The following CFAP251 variants were observed in gnomAD, a reference collection of about 807,000 sequenced individuals.
The protein encoded by CFAP251 is cilia and flagella associated protein 251, also known as cilia- and flagella-associated protein 251.
CFAP251 carries 93 observed loss-of-function variants against 126.7 expected under a neutral mutation model. That is an observed-to-expected ratio of 0.73 (90% confidence interval 0.62 to 0.87). The LOEUF (loss-of-function observed/expected upper bound fraction) is 0.87, where lower values mean the gene tolerates loss of function less well. Ranked by LOEUF, CFAP251 falls within the 40% of genes least tolerant of loss-of-function variation. CFAP251 has a pLI of 0.00. For missense variants in CFAP251, 1,287 were observed against 1,389.2 expected, an observed-to-expected ratio of 0.93 and a Z score of 1.17; for synonymous variants, 503 against 506.9, an observed-to-expected ratio of 0.99 and a Z score of 0.10.
chr12:121,942,719 T>C (rs1244972156), intron 6 of CFAP251, 74 bp downstream of exon 6: 1 of 1,313,786 alleles, frequency 7.6e-7, no homozygotes, highest in Non-Finnish European at 1.1e-6. Flanking sequence ...TGGGCAGCTC[T>C]GTTCAGGCTG....
At chr12:121,946,836 C>G (rs1220138480) in intron 7 of CFAP251, among the ~76,000 whole-genome samples, 1 of 152,086 alleles carries the variant, frequency 6.6e-6, no homozygotes, top group Non-Finnish European at 1.5e-5. Context: ...ACCTCAGTCT[C>G]CCAAGGTGCA....
At chr12:121,975,140 T>C (rs1882424093) in intron 17 of CFAP251, 104 bp from the exon 18 acceptor site, 1 of 854,238 alleles carries the variant, frequency 1.2e-6, no homozygotes, top group East Asian at 2.5e-5. Flanking sequence ...ACTGTATCTG[T>C]GCTGTGATAC....
At chr12:121,941,308 A>G (rs995800502) in intron 5 of CFAP251, among the ~76,000 whole-genome samples, 15 of 139,450 alleles carry the variant, frequency 1.1e-4, no homozygotes, top group Non-Finnish European at 2.0e-4. Flanking sequence ...CTGGAATTAC[A>G]GGTGTGAGCC....
At chr12:121,949,751 T>A (rs1295038880) in intron 8 of CFAP251, 1 of 152,100 alleles carries the variant, frequency 6.6e-6, no homozygotes, top group Non-Finnish European at 1.5e-5. Context: ...TAACAGTGCA[T>A]GGTGATGCAT....
chr12:121,940,677 T>G (rs1328930316), intron 5 of CFAP251, among the ~76,000 whole-genome samples: 2 of 152,212 alleles, frequency 1.3e-5, no homozygotes, highest in African/African-American at 2.4e-5. Flanking sequence ...CCACTGCTTC[T>G]GTGCTTTGGC....
intron 1 of CFAP251, among the ~76,000 whole-genome samples, chr12:121,920,618 G>A (rs905464597): frequency 2.0e-5 from 3 of 151,798 alleles, no homozygotes; most frequent in East Asian, 1.9e-4. Flanking sequence ...GGATGGTCTC[G>A]ATCTCCTGAC....
At chr12:121,968,216 C>T in intron 17 of CFAP251, 47 bp downstream of exon 17, 1 of 1,544,932 alleles carries the variant, frequency 6.5e-7, no homozygotes. Flanking sequence ...AACTCCTTTT[C>T]ACTCAGCAAC....
At chr12:121,924,476 A>G (rs1372502460) in intron 3 of CFAP251, among the ~76,000 whole-genome samples, 7 of 116,694 alleles carry the variant, frequency 6.0e-5, no homozygotes, top group Non-Finnish European at 1.1e-4. Flanking sequence ...CTTTTTGCCC[A>G]GGCTGGAGTG....
intron 5 of CFAP251, among the ~76,000 whole-genome samples, chr12:121,940,008 C>G (rs1404671028): frequency 1.3e-5 from 2 of 152,156 alleles, no homozygotes; most frequent in Non-Finnish European, 2.9e-5. Flanking sequence ...TAAGTAATTA[C>G]TGCAAATCTA....
intron 10 of CFAP251, among the ~76,000 whole-genome samples, chr12:121,956,474 T>TA (rs1354586379): frequency 1.3e-5 from 2 of 152,320 alleles, no homozygotes; most frequent in East Asian, 1.9e-4. Context: ...GGGATGTACT[T>TA]ACACTAAATT....
At chr12:121,961,788 T>C (rs1303913899) in intron 14 of CFAP251, among the ~76,000 whole-genome samples, 190 bp from the exon 15 acceptor site, 1 of 152,224 alleles carries the variant, frequency 6.6e-6, no homozygotes, top group Non-Finnish European at 1.5e-5. Context: ...GGTAGTGAAT[T>C]CTCAGTACTG....
chr12:121,991,884 T>C (rs569067850), intron 19 of CFAP251, among the ~76,000 whole-genome samples: 3 of 152,102 alleles, frequency 2.0e-5, no homozygotes, highest in Non-Finnish European at 4.4e-5. Flanking sequence ...TCCCAGCTAC[T>C]TGGGAGGCTG....
At chr12:121,954,664 A>AAAAAAC (rs1881663202) in intron 10 of CFAP251, among the ~76,000 whole-genome samples, 1 of 147,844 alleles carries the variant, frequency 6.8e-6, no homozygotes, top group South Asian at 2.1e-4. Context: ...AAAAAAAAAA[A>AAAAAAC]AAAACCTCTT....
Position 122,001,592 on chromosome 12 carries a change from G to C in CFAP251, c.3331G>C (p.Val1111Leu), listed in dbSNP as rs759328864. 8 of 1,613,956 alleles carry C rather than the reference G, an allele frequency of 5.0e-6. No individual in the cohort carries two copies. In the East Asian group the frequency reaches 1.8e-4, roughly 36 times the overall value. ...GAAATCCGAGCCTGCAACCTGCTCC[G>C]TCAAAGGTACCCCAGCTGGCTTTGT... ...GWKSEPATCS[V>L]KGSEICLEEE... The change falls in exon 21 of 22, where the codon GTC (valine) becomes CTC (leucine). Residue 1111 changes from valine to leucine, a missense_variant. By Grantham distance (32) the Val-to-Leu change is conservative. Coordinates refer to ENST00000288912, the MANE Select transcript of CFAP251 (RefSeq NM_144668.6).
chr12:121,971,778 C>T (rs1326200510), intron 17 of CFAP251: 1 of 582,648 alleles, frequency 1.7e-6, no homozygotes, highest in Non-Finnish European at 3.1e-6. Flanking sequence ...CTCTGTGTTC[C>T]TACCCAAATC....
chr12:121,946,545 C>A (rs1881333521), intron 7 of CFAP251, among the ~76,000 whole-genome samples: 1 of 152,140 alleles, frequency 6.6e-6, no homozygotes, highest in Non-Finnish European at 1.5e-5. Flanking sequence ...CCTTGGCCCC[C>A]AGCTGATTTT....
chr12:122,001,459 A>G (rs1883147982), intron 20 of CFAP251, 38 bp from the exon 21 acceptor site: 2 of 1,501,516 alleles, frequency 1.3e-6, no homozygotes, highest in African/African-American at 2.8e-5. Context: ...CTTAGCCTCA[A>G]GAGTTAAACA....
At chr12:121,949,309 T>G (rs371701787) in intron 8 of CFAP251, 3 of 223,652 alleles carry the variant, frequency 1.3e-5, no homozygotes, top group East Asian at 1.8e-4. Flanking sequence ...TTATTTGAAT[T>G]TATTTAACAA....
Position 121,962,084 on chromosome 12 carries a change from T to C in CFAP251, c.2414T>C (p.Leu805Pro). Reference sequence around the variant, plus strand: ...ACCTGCATGGTCTGGTACCCACCACTCACCAGGGAACTCTTCCTGCTTATT... The same window carrying C: ...ACCTGCATGGTCTGGTACCCACCACCCACCAGGGAACTCTTCCTGCTTATT... ...YPTCMVWYPP[L>P]TRELFLLICN... The change falls in exon 15 of 22, where the codon CTC (leucine) becomes CCC (proline). Residue 805 changes from leucine to proline, a missense_variant. By Grantham distance (98) the Leu-to-Pro change is moderately conservative (BLOSUM62 -3). Transcript: ENST00000288912. 1 of 1,614,006 alleles carries C rather than the reference T, an allele frequency of 6.2e-7. No individual in the cohort carries two copies. Among genetic ancestry groups the C allele is most frequent in the South Asian group, 1.1e-5 (1 of 91,072 alleles).
Sources: allele counts gnomAD v4.1 joint callset (sites outside exome capture counted in the v4.1 genomes callset), GRCh38; gene constraint gnomAD v4.1.1; transcripts MANE v1.5; gene names NCBI Gene and HGNC (gene_info 2026-07-23, HGNC 2026-07-21).